HIGD1A: variants seen among roughly 807,000 people sequenced by gnomAD.
HIGD1A encodes HIG1 domain family member 1A, mitochondrial.
HIGD1A carries 8 observed loss-of-function variants against 11.3 expected under a neutral mutation model. The observed-to-expected ratio is 0.71, with a 90% CI of 0.42 to 1.28. The LOEUF (loss-of-function observed/expected upper bound fraction) is 1.28, where lower values mean the gene tolerates loss of function less well. Among genes scored for constraint, HIGD1A ranks in the 50% most tolerant of loss-of-function variants. The pLI, the probability that HIGD1A is intolerant of heterozygous loss-of-function variation, is 0.01. For synonymous variants in HIGD1A, 32 were observed against 38.4 expected, an observed-to-expected ratio of 0.83 and a Z score of 0.62; for missense variants, 107 against 118.8, an observed-to-expected ratio of 0.90 and a Z score of 0.46.
intron 2 of HIGD1A, among the ~76,000 whole-genome samples, chr3:42,789,587 C>T (rs1700395676): frequency 2.3e-5 from 3 of 129,852 alleles, no homozygotes. Flanking sequence ...AACGAAAAAT[C>T]TCTTAAGATT....
intron 1 of HIGD1A, among the ~76,000 whole-genome samples, chr3:42,802,333 A>G (rs1406637267): frequency 6.6e-6 from 1 of 152,192 alleles, no homozygotes; most frequent in Non-Finnish European, 1.5e-5. Context: ...TGCGGTAAGC[A>G]TCAGGGTGTG....
At chr3:42,799,297 T>TAA (rs532630050) in intron 1 of HIGD1A, among the ~76,000 whole-genome samples, 1 of 114,666 alleles carries the variant, frequency 8.7e-6, no homozygotes, top group African/African-American at 3.8e-5. Flanking sequence ...AAAAATAAAT[T>TAA]AAAAAAAAAA....
At chr3:42,803,168 T>C (rs1700590521) in intron 1 of HIGD1A, among the ~76,000 whole-genome samples, 3 of 152,196 alleles carry the variant, frequency 2.0e-5, no homozygotes, top group Admixed American at 2.0e-4. Flanking sequence ...TAACCAGATA[T>C]TTAAAGTCAG....
chr3:42,792,066 A>G (rs972420963), intron 2 of HIGD1A, among the ~76,000 whole-genome samples: 4 of 152,216 alleles, frequency 2.6e-5, no homozygotes, highest in African/African-American at 9.6e-5. Flanking sequence ...ATAATAGTTT[A>G]TGGTAGTACA....
At position 42,787,863 on chromosome 3, in the gene HIGD1A, A is replaced by G. The variant is rs114522523; in HGVS notation, c.98-1701T>C. 8.2e-3 allele frequency among the ~76,000 whole-genome samples: 1,252 copies of G among 151,958 alleles called. 13 individuals carry two copies. The highest frequency in any genetic ancestry group is 0.028 in the African/African-American group (1,145 of 41,536). ...ATAAAATTTAATATTTTAATTTAAA[A>G]CAGAGATCCCACATTCTTTAAAATG... On this transcript the variant is annotated intron_variant, in intron 2 of 3. Transcript: ENST00000321331.
chr3:42,802,194 G>T (rs1234090768), intron 1 of HIGD1A, among the ~76,000 whole-genome samples: 18 of 151,984 alleles, frequency 1.2e-4, no homozygotes, highest in Admixed American at 6.5e-4. Flanking sequence ...GAGGGAGGGG[G>T]TTAGTTGTCT....
intron 1 of HIGD1A, among the ~76,000 whole-genome samples, chr3:42,796,295 CT>C: frequency 6.6e-6 from 1 of 152,078 alleles, no homozygotes; most frequent in East Asian, 1.9e-4. Context: ...TACTCCATTA[CT>C]TCTTAACTGA....
At chr3:42,786,917 A>T (rs766573672) in intron 2 of HIGD1A, among the ~76,000 whole-genome samples, 3 of 152,182 alleles carry the variant, frequency 2.0e-5, no homozygotes, top group Non-Finnish European at 4.4e-5. Flanking sequence ...CTGGGACTAC[A>T]GGAGGGCTGT....
rs114616944 is a variant in HIGD1A at position 42,803,522 on chromosome 3, C to T, written c.-23+914G>A. Among the ~76,000 whole-genome samples, 995 of 152,316 alleles carry T rather than the reference C, an allele frequency of 6.5e-3. 9 individuals carry two copies. The highest frequency in any genetic ancestry group is 0.022 in the African/African-American group (920 of 41,564). On this transcript the variant is annotated intron_variant, in intron 1 of 3. Transcript: ENST00000321331. ...GTGCACAAAGAGAACTCCTAGTATA[C>T]AGGACTCCAAATATGTGTGTCATGC...
intron 2 of HIGD1A, among the ~76,000 whole-genome samples, chr3:42,792,854 C>A (rs1049737244): frequency 2.0e-5 from 3 of 151,408 alleles, no homozygotes; most frequent in African/African-American, 7.3e-5. Flanking sequence ...TGGCGGCGGG[C>A]ACCTATAATT....
At chr3:42,801,231 G>A (rs577998715) in intron 1 of HIGD1A, among the ~76,000 whole-genome samples, 3 of 152,224 alleles carry the variant, frequency 2.0e-5, no homozygotes, top group South Asian at 2.1e-4. Flanking sequence ...CCTGGAACTC[G>A]GCGAACTCCT....
intron 1 of HIGD1A, among the ~76,000 whole-genome samples, chr3:42,801,743 A>G (rs1700568066): frequency 6.6e-6 from 1 of 152,266 alleles, no homozygotes; most frequent in South Asian, 2.1e-4. Context: ...CACAGGGGAC[A>G]AAACTATTAT....
intron 2 of HIGD1A, among the ~76,000 whole-genome samples, chr3:42,787,379 G>C (rs926878905): frequency 2.6e-5 from 4 of 151,878 alleles, no homozygotes; most frequent in Admixed American, 2.0e-4. Flanking sequence ...TGGATCACCT[G>C]AGATCAGGGG....
intron 1 of HIGD1A, among the ~76,000 whole-genome samples, chr3:42,803,482 C>T (rs536703518): frequency 2.2e-4 from 34 of 152,346 alleles, no homozygotes; most frequent in African/African-American, 7.7e-4. Flanking sequence ...TAAGAAGCCC[C>T]TTCAAGTGAC....
At chr3:42,793,279 T>C (rs1337827277) in intron 2 of HIGD1A, among the ~76,000 whole-genome samples, 1 of 152,192 alleles carries the variant, frequency 6.6e-6, no homozygotes, top group Non-Finnish European at 1.5e-5. Context: ...TGAATTTTAA[T>C]ATGCCTGCGA....
rs1490502917 is a variant in HIGD1A, at chr3:42,786,128, T to C, written c.132A>G (p.Gly44=). The C allele has an allele frequency of 2.0e-5, 33 of 1,613,916 alleles. No homozygotes were observed. Among genetic ancestry groups the C allele is most frequent in the Non-Finnish European group, 2.5e-5 (29 of 1,179,994 alleles). ...TTCCCCTGCTCTTCAGTTTATATAA[T>C]CCATATGCAACAATTGCTGCAAAAC... ...IAGFAAIVAY[G]LYKLKSRGNT... is the part of the protein sequence containing the mutation. The change falls in exon 3 of 4, where the codon GGA becomes GGG. Residue 44 remains glycine, a synonymous_variant. Transcript: ENST00000321331.
Position 42,783,444 on chromosome 3 carries a change from G to A in HIGD1A, c.*1827C>T, listed in dbSNP as rs533250982. 4.6e-5 allele frequency among the ~76,000 whole-genome samples: 7 copies of A among 151,942 alleles called. No homozygotes were observed. The highest frequency in any genetic ancestry group is 4.2e-4 in the South Asian group (2 of 4,812). ...AGATCATCCAACATGGTGAAACCTC[G>A]CCTTTACTAAAAACACAAAAATTAG... On this transcript the variant is annotated 3_prime_UTR_variant, in exon 4 of 4. Coordinates refer to ENST00000321331, the MANE Select transcript of HIGD1A (RefSeq NM_014056.4).
intron 2 of HIGD1A, among the ~76,000 whole-genome samples, chr3:42,789,094 G>A (rs1700388307): frequency 7.4e-6 from 1 of 134,420 alleles, no homozygotes; most frequent in Admixed American, 8.3e-5. Context: ...AGGCTGGAGT[G>A]CAGTGGTGCA....
intron 1 of HIGD1A, among the ~76,000 whole-genome samples, chr3:42,799,609 T>C (rs577867347): frequency 8.4e-6 from 1 of 119,020 alleles, no homozygotes; most frequent in South Asian, 2.5e-4. Flanking sequence ...TGCACCACCA[T>C]GCCTGGTTTT....
Sources: allele counts gnomAD v4.1 joint callset (sites outside exome capture counted in the v4.1 genomes callset), GRCh38; gene constraint gnomAD v4.1.1; transcripts MANE v1.5; gene names NCBI Gene and HGNC (gene_info 2026-07-23, HGNC 2026-07-21).